The following C3orf33 variants were observed in gnomAD, a reference collection of about 807,000 sequenced individuals.
C3orf33 encodes the protein AP-1 activity suppressor.
C3orf33 carries 23 observed loss-of-function variants against 28.7 expected under a neutral mutation model. The observed-to-expected ratio is 0.80, with a 90% CI of 0.58 to 1.13. C3orf33 has a LOEUF of 1.13. Ranked by LOEUF, C3orf33 falls within the 50% of genes most tolerant of loss-of-function variation. The probability of loss-of-function intolerance (pLI) is 0.00; values close to 1 mark genes in which losing one functional copy is unlikely to be tolerated. For missense variants in C3orf33, 327 were observed against 353.4 expected (o/e 0.93, Z 0.60); for synonymous variants, 119 against 120.5 (o/e 0.99, Z 0.08).
In C3orf33 at chr3:155,774,590, A is replaced by G. The variant is rs139155132; in HGVS notation, c.322+1111T>C. ...GTCCAGTCTGCAGCCTGTGGGCCAC[A>G]TGCAGCCCAGGATGGCTTTGAATAT... On this transcript the variant is annotated intron_variant, in intron 3 of 4. Coordinates refer to ENST00000340171, the MANE Select transcript of C3orf33 (RefSeq NM_001308229.2). 2.3e-3 allele frequency among the ~76,000 whole-genome samples: 357 copies of G among 151,958 alleles called. 2 individuals carry two copies. Among genetic ancestry groups the G allele is most frequent in the African/African-American group, 8.0e-3 (330 of 41,470 alleles).
chr3:155,801,807 G>A (rs941235927), intron 2 of C3orf33, among the ~76,000 whole-genome samples: 5 of 152,200 alleles, frequency 3.3e-5, no homozygotes, highest in Non-Finnish European at 7.3e-5. Flanking sequence ...CTGGAATGCA[G>A]TGACACGGTT....
At chr3:155,769,467 A>C (rs1158304125) in intron 3 of C3orf33, among the ~76,000 whole-genome samples, 1 of 150,016 alleles carries the variant, frequency 6.7e-6, no homozygotes, top group Non-Finnish European at 1.5e-5. Context: ...CAGCCTGGGC[A>C]ATAGAGTGAG....
chr3:155,776,614 A>G (rs967349718), intron 2 of C3orf33, among the ~76,000 whole-genome samples: 6 of 151,804 alleles, frequency 4.0e-5, no homozygotes, highest in African/African-American at 9.7e-5. Flanking sequence ...GCAAGATACC[A>G]TCTCCACAAA....
At chr3:155,766,824 C>A (rs146840690) in intron 4 of C3orf33, among the ~76,000 whole-genome samples, 14,888 of 152,072 alleles carry the variant, frequency 0.098, 980 homozygotes, top group Middle Eastern at 0.16. Flanking sequence ...GTGGTGTGCA[C>A]CTGTAGTCCC....
chr3:155,801,942 G>A (rs1237679922), intron 2 of C3orf33, among the ~76,000 whole-genome samples: 7 of 152,202 alleles, frequency 4.6e-5, no homozygotes, highest in East Asian at 1.9e-4. Context: ...AGTAGAGACA[G>A]GGTTTCATCA....
intron 2 of C3orf33, among the ~76,000 whole-genome samples, chr3:155,779,808 A>G (rs1750863787): frequency 6.6e-6 from 1 of 152,208 alleles, no homozygotes; most frequent in Admixed American, 6.5e-5. Context: ...TTCTTACAAT[A>G]TATGCAAGAA....
At position 155,763,819 on chromosome 3, in the gene C3orf33, A is replaced by G. The variant is rs755894625; in HGVS notation, c.583T>C (p.Trp195Arg). 1.9e-6 allele frequency: 3 copies of G among 1,589,512 alleles called. No individual in the cohort carries two copies. The East Asian group carries it at 6.7e-5, about 36-fold the overall frequency. Residue 195 changes from tryptophan to arginine, a missense_variant, in exon 5 of 5, where the codon TGG becomes CGG. Coordinates refer to ENST00000340171, the MANE Select transcript of C3orf33 (RefSeq NM_001308229.2). ...KGLKYDSKIY[W>R]TVHRNLLKAE... Reference sequence around the variant, plus strand: ...TTAAGTAAGTTTCTGTGAACTGTCCAGTAGATTTTAGAATCATATTTAAGC... The same window carrying G: ...TTAAGTAAGTTTCTGTGAACTGTCCGGTAGATTTTAGAATCATATTTAAGC...
intron 3 of C3orf33, among the ~76,000 whole-genome samples, chr3:155,771,412 T>G (rs937642588): frequency 1.3e-5 from 2 of 152,138 alleles, no homozygotes; most frequent in Non-Finnish European, 2.9e-5. Flanking sequence ...CTCCCAAGTA[T>G]CTGTGACTAC....
chr3:155,799,484 C>G (rs1751577499), intron 2 of C3orf33, among the ~76,000 whole-genome samples: 3 of 152,022 alleles, frequency 2.0e-5, no homozygotes, highest in Admixed American at 2.0e-4. Context: ...AGCCCAGGAG[C>G]TGGAGATCAG....
At chr3:155,769,485 CAA>C (rs59639224) in intron 3 of C3orf33, among the ~76,000 whole-genome samples, 27 of 84,306 alleles carry the variant, frequency 3.2e-4, no homozygotes, top group Non-Finnish European at 4.5e-4. Flanking sequence ...GAGACTGTTT[CAA>C]AAAAAAAAAA....
chr3:155,769,020 A>T (rs1434328971), intron 3 of C3orf33, among the ~76,000 whole-genome samples: 1 of 152,114 alleles, frequency 6.6e-6, no homozygotes, highest in Non-Finnish European at 1.5e-5. Context: ...TACTAAAAAT[A>T]CAAAAATTAA....
Position 155,774,666 on chromosome 3 carries a change from C to CT in C3orf33, c.322+1034dup, listed in dbSNP as rs62815064. On this transcript the variant is annotated intron_variant, in intron 3 of 4. Transcript: ENST00000340171. ...CTTAAAACGTTATGATATTGTTTTG[C>CT]TTTTTTTTTTTTTTTTTTTTTAGCT... Among the ~76,000 whole-genome samples the CT allele has an allele frequency of 6.8e-3, 647 of 95,228 alleles. 7 individuals carry two copies. Among genetic ancestry groups the CT allele is most frequent in the South Asian group, 0.023 (61 of 2,708 alleles). The allele number at this position is 95,228 out of a possible 152,430, so 62.5% of individuals were successfully genotyped here.
chr3:155,795,947 C>G lies in C3orf33; in HGVS notation c.174+6585G>C, dbSNP rs762845437. ...CTCCAGCCTGGGCAACAAAGCAAGACTCCATCTAAAAAAATAATAATAATA... is the reference window on the plus strand; with the variant it reads ...CTCCAGCCTGGGCAACAAAGCAAGAGTCCATCTAAAAAAATAATAATAATA... On this transcript the variant is annotated intron_variant, in intron 2 of 4. Transcript: ENST00000340171. Among the ~76,000 whole-genome samples the G allele has an allele frequency of 2.0e-5, 3 of 151,980 alleles. No individual in the cohort carries two copies. The East Asian group carries it at 5.8e-4, about 29-fold the overall frequency.
chr3:155,802,858 T>G (rs1164352965), intron 1 of C3orf33, among the ~76,000 whole-genome samples: 4 of 152,084 alleles, frequency 2.6e-5, no homozygotes, highest in Non-Finnish European at 5.9e-5. Context: ...TATACATACA[T>G]GTATATGTAA....
At chr3:155,795,580 A>G (rs1751451155) in intron 2 of C3orf33, among the ~76,000 whole-genome samples, 1 of 152,234 alleles carries the variant, frequency 6.6e-6, no homozygotes. Context: ...ATACAAACAC[A>G]TGGAAATTAA....
At chr3:155,798,429 C>A (rs1751542184) in intron 2 of C3orf33, among the ~76,000 whole-genome samples, 1 of 152,098 alleles carries the variant, frequency 6.6e-6, no homozygotes, top group South Asian at 2.1e-4. Context: ...GACACATAGA[C>A]CAATGGAACA....
intron 3 of C3orf33, among the ~76,000 whole-genome samples, chr3:155,772,772 CTGTG>C (rs60966459): frequency 0.011 from 1,564 of 142,186 alleles, 15 homozygotes; most frequent in African/African-American, 0.022. Context: ...TTTTTAGGCT[CTGTG>C]TGTGTGTGTG....
intron 1 of C3orf33, among the ~76,000 whole-genome samples, 167 bp downstream of exon 1, chr3:155,805,972 C>G (rs1384236916): frequency 1.3e-5 from 2 of 152,152 alleles, no homozygotes; most frequent in East Asian, 3.9e-4. Flanking sequence ...CCTCTGCAGC[C>G]CCGCACACAC....
chr3:155,775,604 T>C (rs1159941239), intron 3 of C3orf33, 97 bp downstream of exon 3: 1 of 784,430 alleles, frequency 1.3e-6, no homozygotes. Context: ...TGGAGAGTTA[T>C]TAGGAATTAA....
Sources: gnomAD v4.1 joint callset for allele counts (sites outside exome capture counted in the v4.1 genomes callset) on GRCh38, gnomAD v4.1.1 for gene constraint, MANE v1.5 for transcripts, NCBI Gene and HGNC (gene_info 2026-07-23, HGNC 2026-07-21) for gene names.